The following P3H2 variants were observed in gnomAD, a reference collection of about 807,000 sequenced individuals.
P3H2 encodes the protein leprecan-like 1.
Under a neutral mutation model 87.0 loss-of-function variants are expected in P3H2, and 80 were observed. The observed-to-expected ratio is 0.92, with a 90% CI of 0.77 to 1.11. The LOEUF is 1.11. Among genes scored for constraint, P3H2 ranks in the 50% least tolerant of loss-of-function variants. The pLI is 0.00. For synonymous variants in P3H2, 367 were observed against 359.3 expected (o/e 1.02, Z -0.24); for missense variants, 1,001 against 923.9 (o/e 1.08, Z -1.08).
intron 9 of P3H2, 162 bp from the exon 10 acceptor site, chr3:189,974,166 ATATCT>A: frequency 1.5e-6 from 1 of 648,068 alleles, no homozygotes; most frequent in East Asian, 2.7e-5. Flanking sequence ...ATTAAAAGAG[ATATCT>A]TTATTTAATC....
intron 1 of P3H2, among the ~76,000 whole-genome samples, chr3:190,093,809 G>C (rs1727488204): frequency 6.6e-6 from 1 of 151,998 alleles, no homozygotes; most frequent in Admixed American, 6.6e-5. Flanking sequence ...TGGCTTTTTT[G>C]GTAAGTTTTA....
Position 189,971,947 on chromosome 3 carries a change from T to C in P3H2, c.1760A>G (p.Asp587Gly). 1 of 1,613,952 alleles carries C rather than the reference T, an allele frequency of 6.2e-7. No individual in the cohort carries two copies. The highest frequency in any genetic ancestry group is 8.5e-7 in the Non-Finnish European group (1 of 1,179,816). Residue 587 changes from aspartate (D) to glycine (G), a missense_variant, in exon 12 of 15, where the codon GAT (aspartate) becomes GGT (glycine). Asp to Gly is a moderately conservative substitution (Grantham distance 94). Coordinates refer to ENST00000319332, the MANE Select transcript of P3H2 (RefSeq NM_018192.4). ...CTTCCAGCATTCGTTGGCCTCTGGATCCAACAAACAGTTGTCAGCATGGAT... is the reference window on the plus strand; with the variant it reads ...CTTCCAGCATTCGTTGGCCTCTGGACCCAACAAACAGTTGTCAGCATGGAT... ...HPIHADNCLLDPEANECWKEP... is the reference protein window; with the variant it reads ...HPIHADNCLLGPEANECWKEP...
At chr3:190,004,072 T>C (rs562084486) in intron 1 of P3H2, among the ~76,000 whole-genome samples, 2 of 152,342 alleles carry the variant, frequency 1.3e-5, no homozygotes, top group South Asian at 4.1e-4. Flanking sequence ...AATCCAATGT[T>C]TCTCTATGTG....
intron 1 of P3H2, among the ~76,000 whole-genome samples, chr3:190,111,580 T>C (rs1712072261): frequency 6.6e-6 from 1 of 152,166 alleles, no homozygotes; most frequent in Admixed American, 6.5e-5. Flanking sequence ...TAATATACTA[T>C]ATATAGAAAT....
At position 190,120,238 on chromosome 3, in the gene P3H2, C is replaced by A; in HGVS notation, c.480+14G>T. On this transcript the variant is annotated intron_variant, in intron 1 of 14. Coordinates refer to ENST00000319332, the MANE Select transcript of P3H2 (RefSeq NM_018192.4). Reference sequence around the variant, plus strand: ...CCGCAGGGGCTTTGCAGTGGAGGAGCGCTCTGTGGGTACCTTGATGTAGGC... The same window carrying A: ...CCGCAGGGGCTTTGCAGTGGAGGAGAGCTCTGTGGGTACCTTGATGTAGGC... 1 of 1,607,264 alleles carries A rather than the reference C, an allele frequency of 6.2e-7. No homozygotes were observed. The highest frequency in any genetic ancestry group is 8.5e-7 in the Non-Finnish European group (1 of 1,177,840).
At chr3:190,048,865 C>A (rs559705853) in intron 1 of P3H2, among the ~76,000 whole-genome samples, 1 of 152,260 alleles carries the variant, frequency 6.6e-6, no homozygotes, top group South Asian at 2.1e-4. Flanking sequence ...TCCTTGCTGT[C>A]TCCTGTCTAC....
chr3:189,980,660 G>A (rs920426366), intron 8 of P3H2, among the ~76,000 whole-genome samples: 1 of 152,122 alleles, frequency 6.6e-6, no homozygotes, highest in Non-Finnish European at 1.5e-5. Flanking sequence ...GGTATCTGAC[G>A]ACTGGACAAC....
chr3:190,109,845 CTTTT>C (rs141845406), intron 1 of P3H2, among the ~76,000 whole-genome samples: 37,270 of 124,342 alleles, frequency 0.3, 4,728 homozygotes, highest in Middle Eastern at 0.35. Flanking sequence ...GATGCCCAGT[CTTTT>C]TTTTTTTTTT....
rs543440423 is a variant in P3H2 at position 189,972,974 on chromosome 3, G to A, written c.1599C>T (p.Asp533=). Residue 533 remains aspartate, a synonymous_variant, in exon 11 of 15, where the codon GAC becomes GAT. Transcript: ENST00000319332. ...VPLKSARLFY[D]ISEKARRIVE... ...CAATCCTTCGAGCCTTTTCGCTGAT[G>A]TCATAAAACAGACGAGCGCTCTTCA... The A allele has an allele frequency of 5.6e-6, 9 of 1,613,590 alleles. No individual in the cohort carries two copies. The Admixed American group carries it at 1.0e-4, about 18-fold the overall frequency.
chr3:190,096,055 C>T (rs1727576117), intron 1 of P3H2, among the ~76,000 whole-genome samples: 1 of 152,158 alleles, frequency 6.6e-6, no homozygotes, highest in African/African-American at 2.4e-5. Context: ...AGTCCTTTAA[C>T]TGATTAGGGA....
intron 1 of P3H2, among the ~76,000 whole-genome samples, chr3:190,058,328 C>T (rs1027939041): frequency 2.0e-5 from 3 of 152,102 alleles, no homozygotes; most frequent in Admixed American, 6.6e-5. Flanking sequence ...TTATTCACCT[C>T]ATAGTGAAGA....
chr3:189,999,778 C>T (rs753989985), intron 1 of P3H2, among the ~76,000 whole-genome samples: 1 of 152,090 alleles, frequency 6.6e-6, no homozygotes, highest in Non-Finnish European at 1.5e-5. Flanking sequence ...ATGGTATTGA[C>T]GTTTAGGGGA....
At chr3:190,066,178 CAT>C (rs1162857748) in intron 1 of P3H2, among the ~76,000 whole-genome samples, 17 of 143,214 alleles carry the variant, frequency 1.2e-4, no homozygotes, top group African/African-American at 4.5e-4. Context: ...CACACACACA[CAT>C]ATATACACAC....
intron 1 of P3H2, among the ~76,000 whole-genome samples, chr3:190,007,965 C>CACACATATATATATATATATATATATAT: frequency 5.3e-5 from 5 of 94,352 alleles, no homozygotes; most frequent in African/African-American, 2.0e-4. Context: ...TGTTGACACA[C>CACACATATATATATATATATATATATAT]ATATATATAT....
At chr3:190,022,532 T>C (rs1338830414) in intron 1 of P3H2, among the ~76,000 whole-genome samples, 2 of 135,452 alleles carry the variant, frequency 1.5e-5, no homozygotes, top group Non-Finnish European at 3.3e-5. Flanking sequence ...ATATACTTTT[T>C]TATTTAACAT....
intron 1 of P3H2, among the ~76,000 whole-genome samples, chr3:190,050,294 C>T (rs1442888158): frequency 6.6e-6 from 1 of 152,132 alleles, no homozygotes; most frequent in Non-Finnish European, 1.5e-5. Context: ...AATGCAATTC[C>T]TTTTTCCTGC....
intron 1 of P3H2, among the ~76,000 whole-genome samples, chr3:190,112,850 T>C (rs1282756752): frequency 6.7e-6 from 1 of 149,502 alleles, no homozygotes; most frequent in Non-Finnish European, 1.5e-5. Flanking sequence ...TGGTGGAAAA[T>C]ACTCGGCTAG....
rs574881678 is a variant in P3H2 at position 190,022,030 on chromosome 3, A to G, written c.481-26588T>C. Among the ~76,000 whole-genome samples the G allele has an allele frequency of 2.6e-4, 35 of 135,320 alleles. 10 individuals are homozygous for G. Among genetic ancestry groups the G allele is most frequent in the Non-Finnish European group, 4.6e-4 (28 of 60,502 alleles). The allele number at this position is 135,320 out of a possible 152,430, so 88.8% of individuals were successfully genotyped here. Reference sequence around the variant, plus strand: ...CAATTACTATTTTAGGGATACATTGATAAAAATAATGTTCTTCTAGGAATG... The same window carrying G: ...CAATTACTATTTTAGGGATACATTGGTAAAAATAATGTTCTTCTAGGAATG... On this transcript the variant is annotated intron_variant, in intron 1 of 14. Transcript: ENST00000319332.
chr3:190,106,545 C>CT (rs11440420), intron 1 of P3H2, among the ~76,000 whole-genome samples: 22,527 of 146,928 alleles, frequency 0.15, 1,691 homozygotes, highest in Non-Finnish European at 0.17. Context: ...AAGGAACAAT[C>CT]TTTTTTTTTT....
Sources: allele counts gnomAD v4.1 joint callset (sites outside exome capture counted in the v4.1 genomes callset), GRCh38; gene constraint gnomAD v4.1.1; transcripts MANE v1.5; gene names NCBI Gene and HGNC (gene_info 2026-07-23, HGNC 2026-07-21).